Variants in DSCAM observed in about 807,000 individuals in gnomAD.
DSCAM encodes DS cell adhesion molecule, also known as cell adhesion molecule DSCAM.
Under a neutral mutation model 217.7 loss-of-function variants are expected in DSCAM, and 47 were observed. The ratio of observed to expected loss-of-function variants is 0.22; its 90% CI spans 0.17 to 0.28. The LOEUF (loss-of-function observed/expected upper bound fraction) is 0.28. Among genes scored for constraint, DSCAM ranks in the 10% least tolerant of loss-of-function variants. The pLI is 1.00. For synonymous variants in DSCAM, 1,056 were observed against 1,015.3 expected, an observed-to-expected ratio of 1.04 and a Z score of -0.76; for missense variants, 2,080 against 2,618.3, an observed-to-expected ratio of 0.79 and a Z score of 4.49.
chr21:40,822,434 CCT>C (rs1198030953), intron 1 of DSCAM, among the ~76,000 whole-genome samples: 1 of 148,054 alleles, frequency 6.8e-6, no homozygotes, highest in Non-Finnish European at 1.5e-5. Flanking sequence ...GCTTATATTA[CCT>C]CTGTTTTTTT....
intron 3 of DSCAM, among the ~76,000 whole-genome samples, chr21:40,664,958 A>G (rs1173821312): frequency 6.6e-6 from 1 of 152,042 alleles, no homozygotes; most frequent in African/African-American, 2.4e-5. Flanking sequence ...TGGTTGTTTA[A>G]GAGTCTGGAA....
chr21:40,627,785 T>C (rs1206412251), intron 3 of DSCAM, among the ~76,000 whole-genome samples: 1 of 152,242 alleles, frequency 6.6e-6, no homozygotes, highest in African/African-American at 2.4e-5. Flanking sequence ...GATTTAAGCA[T>C]GGTTGCACAG....
intron 9 of DSCAM, among the ~76,000 whole-genome samples, chr21:40,301,536 T>C (rs1434176149): frequency 1.6e-5 from 2 of 122,564 alleles, no homozygotes; most frequent in Non-Finnish European, 3.2e-5. Context: ...GTCAGGCACA[T>C]TTGTTTCTGA....
chr21:40,359,277 TG>T (rs1224398113), intron 4 of DSCAM, among the ~76,000 whole-genome samples: 1 of 152,210 alleles, frequency 6.6e-6, no homozygotes, highest in Non-Finnish European at 1.5e-5. Context: ...TGCTTAAGAA[TG>T]CCCCCTCAGT....
intron 1 of DSCAM, among the ~76,000 whole-genome samples, chr21:40,724,607 C>T (rs1488377579): frequency 3.3e-5 from 5 of 152,142 alleles, no homozygotes; most frequent in East Asian, 3.9e-4. Flanking sequence ...GGGAGGAGGA[C>T]GTTAACCAAA....
chr21:40,026,186 G>C (rs1601240122), intron 32 of DSCAM, among the ~76,000 whole-genome samples: 1 of 141,786 alleles, frequency 7.1e-6, no homozygotes, highest in Non-Finnish European at 1.6e-5. Context: ...GCGATTTTGA[G>C]TGAGATTCTT....
chr21:40,695,351 T>C (rs2090584549), intron 2 of DSCAM, among the ~76,000 whole-genome samples: 1 of 152,094 alleles, frequency 6.6e-6, no homozygotes, highest in Non-Finnish European at 1.5e-5. Context: ...CAATGTCCAG[T>C]GTCCTAGGAA....
rs762198672 is a variant in DSCAM at position 40,708,598 on chromosome 21, G to A, written c.217C>T (p.Arg73Cys). Residue 73 changes from arginine to cysteine, a missense_variant, in exon 2 of 33, where the codon CGC (arginine) becomes TGC (cysteine). Arg to Cys is a radical substitution (Grantham distance 180). Coordinates refer to ENST00000400454, the MANE Select transcript of DSCAM (RefSeq NM_001389.5). ...GEEIYDVPGI[R>C]HVHPNGTLQI... ...AGAGTGCCGTTGGGGTGGACGTGGC[G>A]GATCCCGGGGACATCGTAGATCTCC... 1.2e-6 allele frequency: 2 copies of A among 1,610,772 alleles called. No homozygotes were observed. The highest frequency in any genetic ancestry group is 1.7e-6 in the Non-Finnish European group (2 of 1,178,458).
At chr21:40,489,774 CAAAAA>C (rs35247505) in intron 3 of DSCAM, among the ~76,000 whole-genome samples, 3 of 47,176 alleles carry the variant, frequency 6.4e-5, no homozygotes, top group African/African-American at 1.6e-4. Context: ...GACTCCGTCT[CAAAAA>C]AAAAAAAAAA....
At chr21:40,484,766 T>G (rs1189580905) in intron 3 of DSCAM, among the ~76,000 whole-genome samples, 6 of 152,176 alleles carry the variant, frequency 3.9e-5, no homozygotes, top group African/African-American at 1.4e-4. Context: ...TCTGCTGTGG[T>G]TACCTGTTTT....
intron 1 of DSCAM, among the ~76,000 whole-genome samples, chr21:40,784,350 G>A (rs574779787): frequency 4.5e-4 from 69 of 152,210 alleles, no homozygotes; most frequent in African/African-American, 1.5e-3. Flanking sequence ...GTCTGCTGCC[G>A]TGTAAGGCGT....
chr21:40,752,824 G>A (rs2091241904), intron 1 of DSCAM, among the ~76,000 whole-genome samples: 1 of 152,168 alleles, frequency 6.6e-6, no homozygotes, highest in African/African-American at 2.4e-5. Context: ...GAGAGAAGGG[G>A]AGAAGAGGGA....
At chr21:40,509,863 G>A (rs538097459) in intron 3 of DSCAM, among the ~76,000 whole-genome samples, 1 of 152,280 alleles carries the variant, frequency 6.6e-6, no homozygotes, top group East Asian at 1.9e-4. Context: ...GGTGGCTCAT[G>A]GCTATAATCC....
intron 15 of DSCAM, among the ~76,000 whole-genome samples, chr21:40,174,772 T>A (rs2090704795): frequency 6.6e-6 from 1 of 152,170 alleles, no homozygotes; most frequent in Non-Finnish European, 1.5e-5. Flanking sequence ...TTCCAGATTT[T>A]AAAAATTAAC....
intron 3 of DSCAM, among the ~76,000 whole-genome samples, chr21:40,535,780 C>T (rs181571417): frequency 6.6e-6 from 1 of 152,230 alleles, no homozygotes; most frequent in East Asian, 1.9e-4. Context: ...CGCGGCACCT[C>T]AGATACACCT....
chr21:40,155,671 G>A (rs933211119), intron 16 of DSCAM, among the ~76,000 whole-genome samples: 2 of 152,106 alleles, frequency 1.3e-5, no homozygotes, highest in African/African-American at 4.8e-5. Context: ...TCTGATTCTG[G>A]AAGCTCTGTA....
At chr21:40,301,639 G>A (rs1043254334) in intron 9 of DSCAM, among the ~76,000 whole-genome samples, 1 of 110,538 alleles carries the variant, frequency 9.0e-6, no homozygotes, top group Admixed American at 8.5e-5. Flanking sequence ...AACAGTCTGT[G>A]TCCCATACCA....
intron 3 of DSCAM, among the ~76,000 whole-genome samples, chr21:40,686,859 G>A (rs938055156): frequency 1.1e-4 from 16 of 152,228 alleles, no homozygotes; most frequent in Admixed American, 5.2e-4. Context: ...TGGCAGCGGG[G>A]TAACATGCAA....
At chr21:40,154,702 T>A (rs113662366) in intron 16 of DSCAM, among the ~76,000 whole-genome samples, 1 of 152,170 alleles carries the variant, frequency 6.6e-6, no homozygotes, top group African/African-American at 2.4e-5. Flanking sequence ...TAGGAAAGGA[T>A]GAGATGTCCA....
Sources: allele counts gnomAD v4.1 joint callset (sites outside exome capture counted in the v4.1 genomes callset), GRCh38; gene constraint gnomAD v4.1.1; transcripts MANE v1.5; gene names NCBI Gene and HGNC (gene_info 2026-07-23, HGNC 2026-07-21).